Variants in ZDHHC16 observed in about 807,000 individuals in gnomAD.
ZDHHC16 encodes the protein palmitoyltransferase ZDHHC16.
Under a neutral mutation model 54.4 loss-of-function variants are expected in ZDHHC16, and 33 were observed. That is an observed-to-expected ratio of 0.61 (90% confidence interval 0.46 to 0.81). The LOEUF (loss-of-function observed/expected upper bound fraction) is 0.81, where lower values mean the gene tolerates loss of function less well. ZDHHC16 is among the 30% of genes least tolerant of loss of function. The pLI, the probability that ZDHHC16 is intolerant of heterozygous loss-of-function variation, is 0.00. For synonymous variants in ZDHHC16, 185 were observed against 182.1 expected, an observed-to-expected ratio of 1.02 and a Z score of -0.13; for missense variants, 420 against 485.9, an observed-to-expected ratio of 0.86 and a Z score of 1.28.
At position 97,453,605 on chromosome 10, in the gene ZDHHC16, G is replaced by T. The variant is rs376591127; in HGVS notation, c.632G>T (p.Cys211Phe). Reference protein sequence around the residue: ...FSFCFFMTLGCVYCSYGSWDL... With the variant: ...FSFCFFMTLGFVYCSYGSWDL... Reference sequence around the variant, plus strand: ...TTCTGCTTTTTCATGACTCTGGGCTGTGTCTACTGCAGCTATGGAAGTTGG... The same window carrying T: ...TTCTGCTTTTTCATGACTCTGGGCTTTGTCTACTGCAGCTATGGAAGTTGG... Residue 211 changes from cysteine to phenylalanine, a missense_variant, in exon 7 of 12, where the codon TGT (cysteine) becomes TTT (phenylalanine). By Grantham distance (205) the Cys-to-Phe change is radical. Coordinates refer to ENST00000393760, the MANE Select transcript of ZDHHC16 (RefSeq NM_198046.3). The T allele has an allele frequency of 4.0e-5, 65 of 1,614,080 alleles. No homozygotes were observed. Among genetic ancestry groups the T allele is most frequent in the Non-Finnish European group, 5.4e-5 (64 of 1,180,052 alleles).
intron 10 of ZDHHC16, 47 bp from the exon 11 acceptor site, chr10:97,455,927 G>A: frequency 6.2e-7 from 1 of 1,612,572 alleles, no homozygotes; most frequent in Non-Finnish European, 8.5e-7. Context: ...AGCCAATTTA[G>A]TCTGAAAAAT....
chr10:97,449,663 G>T (rs966553704), intron 1 of ZDHHC16, among the ~76,000 whole-genome samples: 1 of 151,982 alleles, frequency 6.6e-6, no homozygotes, highest in Admixed American at 6.6e-5. Context: ...CAAGTAGCAG[G>T]GATTACAGGC....
intron 1 of ZDHHC16, among the ~76,000 whole-genome samples, chr10:97,447,793 C>T (rs529131510): frequency 6.6e-6 from 1 of 152,034 alleles, no homozygotes; most frequent in Non-Finnish European, 1.5e-5. Flanking sequence ...CGTGGTGGCA[C>T]ATGCCTGGAA....
At position 97,456,058 on chromosome 10, in the gene ZDHHC16, C is replaced by CA; in HGVS notation, c.1019+15dup. 1 of 1,613,516 alleles carries CA rather than the reference C, an allele frequency of 6.2e-7. No homozygotes were observed. Among genetic ancestry groups the CA allele is most frequent in the Non-Finnish European group, 8.5e-7 (1 of 1,179,502 alleles). The stretch of plus-strand genomic sequence containing the variant: ...GGATACAGGAAGGTAATGTAAGACA[C>CA]ACAGACTAATGCTGTCCAACAGAAC... On this transcript the variant is annotated intron_variant, in intron 11 of 11. Transcript: ENST00000393760.
In ZDHHC16 at chr10:97,452,343, T is replaced by C. The variant is rs575189386; in HGVS notation, c.438+59T>C. ...TGGCTATGGGAGCTGGTCCCAGGAG[T>C]GGGGAGAGTATCTTGGTATAGTTTT... On this transcript the variant is annotated intron_variant, in intron 4 of 11. Coordinates refer to ENST00000393760, the MANE Select transcript of ZDHHC16 (RefSeq NM_198046.3). 267 of 1,610,894 alleles carry C rather than the reference T, an allele frequency of 1.7e-4. 1 individual carries two copies. In the Middle Eastern group the frequency reaches 2.5e-3, roughly 15 times the overall value.
chr10:97,450,864 G>T (rs1410797089), intron 2 of ZDHHC16: 1 of 152,166 alleles, frequency 6.6e-6, no homozygotes, highest in Non-Finnish European at 1.5e-5. Context: ...TCAACATGGA[G>T]GTCCCCTCCC....
chr10:97,448,173 C>T (rs1005316758), intron 1 of ZDHHC16: 4 of 152,194 alleles, frequency 2.6e-5, no homozygotes, highest in African/African-American at 9.7e-5. Context: ...GTTTGTATTT[C>T]TCTCTTTATG....
intron 1 of ZDHHC16, among the ~76,000 whole-genome samples, chr10:97,447,356 CT>C (rs1205649528): frequency 6.6e-6 from 1 of 152,184 alleles, no homozygotes; most frequent in East Asian, 1.9e-4. Context: ...GCCGTCTGTC[CT>C]TCCCTGTCCC....
intron 5 of ZDHHC16, 72 bp from the exon 6 acceptor site, chr10:97,452,823 G>C (rs1389391783): frequency 6.2e-7 from 1 of 1,602,208 alleles, no homozygotes. Context: ...GCTGGTCCTT[G>C]TAGGGAAGGA....
At position 97,452,494 on chromosome 10, in the gene ZDHHC16, T is replaced by C; in HGVS notation, c.518T>C (p.Ile173Thr). ...CCAGCCCGAACACACCACTGCAGCATCTGCAACAGGTGGGTCTTGGCTTTG... is the reference window on the plus strand; with the variant it reads ...CCAGCCCGAACACACCACTGCAGCACCTGCAACAGGTGGGTCTTGGCTTTG... ...PKPARTHHCSICNRCVLKMDH... is the reference protein window; with the variant it reads ...PKPARTHHCSTCNRCVLKMDH... Residue 173 changes from isoleucine to threonine, a missense_variant, in exon 5 of 12, where the codon ATC (isoleucine) becomes ACC (threonine). By Grantham distance (89) the Ile-to-Thr change is moderately conservative (BLOSUM62 -1). Transcript: ENST00000393760. 1 of 1,614,100 alleles carries C rather than the reference T, an allele frequency of 6.2e-7. No homozygotes were observed. Among genetic ancestry groups the C allele is most frequent in the Non-Finnish European group, 8.5e-7 (1 of 1,179,956 alleles).
At position 97,455,641 on chromosome 10, in the gene ZDHHC16, T is replaced by G. The variant is rs1847100679; in HGVS notation, c.825-19T>G. The G allele has an allele frequency of 6.2e-7, 1 of 1,614,240 alleles. No individual in the cohort carries two copies. Among genetic ancestry groups the G allele is most frequent in the Non-Finnish European group, 8.5e-7 (1 of 1,180,036 alleles). On this transcript the variant is annotated intron_variant, in intron 9 of 11. Transcript: ENST00000393760. ...GCCCTCTCTAAACTACCCACCAGTC[T>G]TCGCCCCTCTTTTCTTAGTTCTGTG...
chr10:97,448,748 A>G (rs1564798008), intron 1 of ZDHHC16, among the ~76,000 whole-genome samples: 5 of 152,212 alleles, frequency 3.3e-5, no homozygotes, highest in Non-Finnish European at 7.3e-5. Flanking sequence ...ACAGAGCGAG[A>G]CTTCATCTCA....
At position 97,450,350 on chromosome 10, in the gene ZDHHC16, TTGAAAGGTCTTTTGTGGGGA is replaced by T. The variant is rs1424858261; in HGVS notation, c.-185-3_-169del. On this transcript the variant is annotated splice_acceptor_variant and splice_polypyrimidine_tract_variant and 5_prime_UTR_variant and intron_variant, in exon 2 of 12. Transcript: ENST00000393760. LOFTEE classifies it low-confidence loss of function (5UTR_SPLICE). ...GCAAGGAGGTAATTAAGTGTTTTCTTTGAAAGGTCTTTTGTGGGGATGAGCCAGGGTGCAAGGAGAGTACA... is the reference window on the plus strand; with the variant it reads ...GCAAGGAGGTAATTAAGTGTTTTCTTTGAGCCAGGGTGCAAGGAGAGTACA... The T allele has an allele frequency of 6.6e-6, 1 of 152,296 alleles. No individual in the cohort carries two copies. Among genetic ancestry groups the T allele is most frequent in the Non-Finnish European group, 1.5e-5 (1 of 68,144 alleles). 9.4% of individuals were successfully genotyped at this position (152,296 alleles called of 1,614,324 possible). A position where few individuals can be genotyped will look rare whatever the true frequency, so the allele number is the denominator to read the frequency against.
In ZDHHC16 at chr10:97,452,388, G is replaced by A. The variant is rs752502359; in HGVS notation, c.439-27G>A. ...AGTTTTGAGAGACAGAACTGGTGCT[G>A]CCACGTTATGCTCTCCCTTCACACA... On this transcript the variant is annotated intron_variant, in intron 4 of 11. Transcript: ENST00000393760. 9 of 1,613,126 alleles carry A rather than the reference G, an allele frequency of 5.6e-6. No individual in the cohort carries two copies. The South Asian group carries it at 9.9e-5, about 18-fold the overall frequency.
Position 97,452,492 on chromosome 10 carries a change from C to T in ZDHHC16, c.516C>T (p.Ser172=). 1 of 1,614,108 alleles carries T rather than the reference C, an allele frequency of 6.2e-7. No homozygotes were observed. Among genetic ancestry groups the T allele is most frequent in the Non-Finnish European group, 8.5e-7 (1 of 1,179,962 alleles). ...AGCCAGCCCGAACACACCACTGCAG[C>T]ATCTGCAACAGGTGGGTCTTGGCTT... ...YPKPARTHHC[S]ICNRCVLKMD... The change falls in exon 5 of 12, where the codon AGC becomes AGT. Residue 172 remains serine (S), a synonymous_variant. Transcript: ENST00000393760.
intron 7 of ZDHHC16, 23 bp downstream of exon 7, chr10:97,453,686 A>G (rs1464343467): frequency 6.2e-7 from 1 of 1,614,206 alleles, no homozygotes; most frequent in Non-Finnish European, 8.5e-7. Context: ...GGAACAGGGC[A>G]GCTCAGTAGT....
intron 11 of ZDHHC16, 23 bp downstream of exon 11, chr10:97,456,067 A>G (rs771948920): frequency 1.7e-5 from 28 of 1,611,636 alleles, no homozygotes. Context: ...ACACAGACTA[A>G]TGCTGTCCAA....
chr10:97,454,644 A>G (rs1589514116), intron 8 of ZDHHC16, 70 bp from the exon 9 acceptor site: 3 of 1,359,892 alleles, frequency 2.2e-6, no homozygotes, highest in Admixed American at 3.4e-5. Flanking sequence ...TTTCCTGCCT[A>G]TAGGTGCTGG....
chr10:97,456,840 G>A lies in ZDHHC16; in HGVS notation c.1083G>A (p.Trp361Ter), dbSNP rs1392478151. 1 of 1,613,480 alleles carries A rather than the reference G, an allele frequency of 6.2e-7. No individual in the cohort carries two copies. The highest frequency in any genetic ancestry group is 8.5e-7 in the Non-Finnish European group (1 of 1,179,778). The change falls in exon 12 of 12, where the codon TGG becomes TGA. Residue 361 changes from tryptophan to a stop codon, truncating the protein, a stop_gained. Coordinates refer to ENST00000393760, the MANE Select transcript of ZDHHC16 (RefSeq NM_198046.3). LOFTEE classifies it high-confidence loss of function. ...SHLPHGNGMSWEPPPWVTAHS... is the reference protein window; with the variant it reads ...SHLPHGNGMS ...TGCCCCATGGGAATGGAATGAGCTG[G>A]GAGCCCCCTCCCTGGGTGACTGCTC...
Sources: gnomAD v4.1 joint callset for allele counts (sites outside exome capture counted in the v4.1 genomes callset) on GRCh38, gnomAD v4.1.1 for gene constraint, MANE v1.5 for transcripts, NCBI Gene and HGNC (gene_info 2026-07-23, HGNC 2026-07-21) for gene names.